Variants in FIGLA observed in about 807,000 individuals in gnomAD.
FIGLA encodes the protein factor in the germline alpha.
A neutral mutation model predicts 21.5 loss-of-function variants in FIGLA; 17 were observed. The observed-to-expected ratio is 0.79, with a 90% CI of 0.54 to 1.19. The LOEUF (loss-of-function observed/expected upper bound fraction) is 1.19, where lower values mean the gene tolerates loss of function less well. FIGLA is among the 50% of genes most tolerant of loss of function. The probability of loss-of-function intolerance (pLI) is 0.00; values close to 1 mark genes in which losing one functional copy is unlikely to be tolerated. For synonymous variants in FIGLA, 129 were observed against 117.6 expected, an observed-to-expected ratio of 1.10 and a Z score of -0.63; for missense variants, 282 against 285.0, an observed-to-expected ratio of 0.99 and a Z score of 0.08.
chr2:70,789,470 T>C (rs6546636), intron 1 of FIGLA, among the ~76,000 whole-genome samples: 83,510 of 151,790 alleles, frequency 0.55, 24,399 homozygotes, highest in East Asian at 0.74. Context: ...AGTCTAGTAC[T>C]GGTAAAAGAG....
intron 3 of FIGLA, among the ~76,000 whole-genome samples, chr2:70,781,320 T>C (rs1184567366): frequency 6.6e-6 from 1 of 151,998 alleles, no homozygotes; most frequent in Non-Finnish European, 1.5e-5. Flanking sequence ...GATAGAAAAG[T>C]ACAAGATGAG....
At chr2:70,785,374 G>T (rs201470550) in intron 3 of FIGLA, 41 bp downstream of exon 3, 19 of 1,455,920 alleles carry the variant, frequency 1.3e-5, no homozygotes, top group African/African-American at 8.4e-5. Flanking sequence ...ACATTTTAAG[G>T]TTCTGATATC....
intron 1 of FIGLA, among the ~76,000 whole-genome samples, chr2:70,788,098 G>A (rs2104602674): frequency 6.6e-6 from 1 of 152,340 alleles, no homozygotes; most frequent in East Asian, 1.9e-4. Context: ...GGCAGTAGAG[G>A]AGTGGCTAAA....
intron 2 of FIGLA, among the ~76,000 whole-genome samples, chr2:70,786,058 C>G (rs368646059): frequency 6.6e-6 from 1 of 152,242 alleles, no homozygotes; most frequent in South Asian, 2.1e-4. Flanking sequence ...CTGGCTAGGA[C>G]TAATGGAGAA....
chr2:70,785,019 C>T (rs1261490698), intron 3 of FIGLA, among the ~76,000 whole-genome samples: 2 of 151,032 alleles, frequency 1.3e-5, no homozygotes, highest in Non-Finnish European at 2.9e-5. Flanking sequence ...TTCTGGAGAC[C>T]ATAGAGTCCA....
At chr2:70,782,788 G>C (rs1046999179) in intron 3 of FIGLA, among the ~76,000 whole-genome samples, 1 of 152,068 alleles carries the variant, frequency 6.6e-6, no homozygotes, top group African/African-American at 2.4e-5. Flanking sequence ...AAAATTAATG[G>C]CTGGGCATGG....
rs1180630982 is a variant in FIGLA at position 70,787,229 on chromosome 2, G to A, written c.384+420C>T. Among the ~76,000 whole-genome samples, 6 of 152,300 alleles carry A rather than the reference G, an allele frequency of 3.9e-5. No individual in the cohort carries two copies. The East Asian group carries it at 1.2e-3, about 29-fold the overall frequency. On this transcript the variant is annotated intron_variant, in intron 2 of 4. Transcript: ENST00000332372. ...GGTCTCTCCTAAGAGAGGTTCCTTG[G>A]GGAAAAGAAATGCCTCTTCCTTCCT...
intron 2 of FIGLA, among the ~76,000 whole-genome samples, chr2:70,785,905 T>C (rs1675946003): frequency 6.6e-6 from 1 of 152,156 alleles, no homozygotes; most frequent in South Asian, 2.1e-4. Context: ...GCACTTCTGT[T>C]ACACAATTGA....
intron 3 of FIGLA, among the ~76,000 whole-genome samples, chr2:70,783,233 C>T (rs1173620116): frequency 1.3e-5 from 2 of 152,092 alleles, no homozygotes; most frequent in African/African-American, 2.4e-5. Flanking sequence ...TCGAGTCTTC[C>T]TTGGTTCATT....
chr2:70,786,771 T>C (rs1316114546), intron 2 of FIGLA, among the ~76,000 whole-genome samples: 2 of 152,170 alleles, frequency 1.3e-5, no homozygotes, highest in Non-Finnish European at 1.5e-5. Context: ...CCTGGCCTTC[T>C]TCAGCCTCTC....
intron 3 of FIGLA, among the ~76,000 whole-genome samples, chr2:70,782,430 C>A (rs1274224199): frequency 6.6e-6 from 1 of 152,176 alleles, no homozygotes; most frequent in Non-Finnish European, 1.5e-5. Flanking sequence ...GTCACAGAAG[C>A]ACCAAGAAAC....
chr2:70,786,596 G>A (rs369059420), intron 2 of FIGLA, among the ~76,000 whole-genome samples: 50 of 152,228 alleles, frequency 3.3e-4, no homozygotes, highest in African/African-American at 8.4e-4. Flanking sequence ...GAGCCACCGC[G>A]CCTGGCAGAC....
chr2:70,779,862 G>A (rs1553388860), intron 3 of FIGLA, among the ~76,000 whole-genome samples: 2 of 152,256 alleles, frequency 1.3e-5, no homozygotes, highest in Admixed American at 6.5e-5. Context: ...AATATGAAAT[G>A]CCAGAACCAT....
chr2:70,779,220 G>A (rs1675812736), intron 3 of FIGLA, among the ~76,000 whole-genome samples: 1 of 152,144 alleles, frequency 6.6e-6, no homozygotes, highest in Non-Finnish European at 1.5e-5. Context: ...GGAGTGGGGA[G>A]GACTGGGACA....
chr2:70,779,622 G>A (rs992895215), intron 3 of FIGLA, among the ~76,000 whole-genome samples: 4 of 152,164 alleles, frequency 2.6e-5, no homozygotes, highest in Admixed American at 6.5e-5. Context: ...CTTTCTCTCA[G>A]AAACTCTTTC....
intron 3 of FIGLA, among the ~76,000 whole-genome samples, chr2:70,784,117 C>A (rs887313140): frequency 1.3e-5 from 2 of 152,066 alleles, no homozygotes; most frequent in African/African-American, 4.8e-5. Context: ...ATATGAAAAT[C>A]TACACTGAGC....
rs557305827 is a variant in FIGLA at position 70,787,466 on chromosome 2, C to T, written c.384+183G>A. 4.6e-5 allele frequency among the ~76,000 whole-genome samples: 7 copies of T among 152,292 alleles called. No individual in the cohort carries two copies. The South Asian group carries it at 1.5e-3, about 32-fold the overall frequency. Reference sequence around the variant, plus strand: ...GTTCAAATCCCAGTCCTGACTTTTTCAGAGCTGTATGGCCTTAACTATATT... The same window carrying T: ...GTTCAAATCCCAGTCCTGACTTTTTTAGAGCTGTATGGCCTTAACTATATT... On this transcript the variant is annotated intron_variant, in intron 2 of 4. Transcript: ENST00000332372.
chr2:70,783,510 T>C (rs1553389426), intron 3 of FIGLA, among the ~76,000 whole-genome samples: 1 of 152,232 alleles, frequency 6.6e-6, no homozygotes, highest in East Asian at 1.9e-4. Context: ...CAGAGGCTCC[T>C]GTCCCAGCCC....
Position 70,790,525 on chromosome 2 carries a change from G to T in FIGLA, c.114C>A (p.Pro38=). 1.3e-6 allele frequency: 2 copies of T among 1,539,724 alleles called. No individual in the cohort carries two copies. The highest frequency in any genetic ancestry group is 2.7e-5 in the African/African-American group (2 of 72,926). The change falls in exon 1 of 5, where the codon CCC becomes CCA. Residue 38 remains proline (P), a synonymous_variant. Coordinates refer to ENST00000332372, the MANE Select transcript of FIGLA (RefSeq NM_001004311.3). ...DVLREQFGPL[P]QLAAVCRLKR... is the part of the protein sequence containing the mutation. Reference sequence around the variant, plus strand: ...TGAGCCGGCAGACAGCGGCCAGCTGGGGCAGCGGCCCGAACTGCTCCCGCA... The same window carrying T: ...TGAGCCGGCAGACAGCGGCCAGCTGTGGCAGCGGCCCGAACTGCTCCCGCA...
Sources: allele counts gnomAD v4.1 joint callset (sites outside exome capture counted in the v4.1 genomes callset), GRCh38; gene constraint gnomAD v4.1.1; transcripts MANE v1.5; gene names NCBI Gene and HGNC (gene_info 2026-07-23, HGNC 2026-07-21).